TAFA5: variants seen among roughly 807,000 people sequenced by gnomAD.
TAFA5 encodes TAFA chemokine like family member 5, also known as chemokine-like protein TAFA-5.
A neutral mutation model predicts 15.3 loss-of-function variants in TAFA5; 6 were observed. The observed-to-expected ratio is 0.39, with a 90% CI of 0.21 to 0.77. TAFA5 has a LOEUF of 0.77. Ranked by LOEUF, TAFA5 falls within the 30% of genes least tolerant of loss-of-function variation. The pLI, the probability that TAFA5 is intolerant of heterozygous loss-of-function variation, is 0.41. For missense variants in TAFA5, 161 were observed against 193.1 expected (o/e 0.83, Z 0.98); for synonymous variants, 103 against 80.7 (o/e 1.28, Z -1.48).
At chr22:48,606,670 T>C (rs922936667) in intron 1 of TAFA5, among the ~76,000 whole-genome samples, 8 of 152,240 alleles carry the variant, frequency 5.3e-5, no homozygotes, top group African/African-American at 1.9e-4. Flanking sequence ...TGCTGCTCTC[T>C]TTGCTTTGAA....
At chr22:48,722,704 A>T (rs12167699) in intron 3 of TAFA5, among the ~76,000 whole-genome samples, 33,257 of 152,202 alleles carry the variant, frequency 0.22, 3,879 homozygotes, top group Admixed American at 0.32. Context: ...AAAGTATATA[A>T]AAACAAAAAT....
chr22:48,734,111 A>T (rs1005190093), intron 3 of TAFA5, among the ~76,000 whole-genome samples: 1 of 152,262 alleles, frequency 6.6e-6, no homozygotes, highest in African/African-American at 2.4e-5. Flanking sequence ...CTAATGATTT[A>T]ATTACAATAA....
intron 3 of TAFA5, among the ~76,000 whole-genome samples, chr22:48,721,406 G>A (rs2147261086): frequency 6.6e-6 from 1 of 152,330 alleles, no homozygotes; most frequent in Admixed American, 6.5e-5. Context: ...CGTCCACTGT[G>A]TGTGATCTCA....
intron 2 of TAFA5, among the ~76,000 whole-genome samples, chr22:48,664,074 C>G (rs533857188): frequency 2.6e-5 from 4 of 152,192 alleles, no homozygotes; most frequent in African/African-American, 7.2e-5. Context: ...CTGTTGCACC[C>G]CAGACTGCAA....
In TAFA5 at chr22:48,662,764, C is replaced by T. The variant is rs547222042; in HGVS notation, c.262+16018C>T. 6.6e-5 allele frequency among the ~76,000 whole-genome samples: 10 copies of T among 152,286 alleles called. 1 individual carries two copies. Among genetic ancestry groups the T allele is most frequent in the East Asian group, 1.9e-4 (1 of 5,176 alleles). On this transcript the variant is annotated intron_variant, in intron 2 of 3. Coordinates refer to ENST00000402357, the MANE Select transcript of TAFA5 (RefSeq NM_001082967.3). ...GTTGAGGTCACCAGGGAAACTGAGG[C>T]GGCAGCTGAGGACACAGGGCCCTAG...
At chr22:48,740,255 G>C (rs962258211) in intron 3 of TAFA5, among the ~76,000 whole-genome samples, 1 of 152,174 alleles carries the variant, frequency 6.6e-6, no homozygotes, top group African/African-American at 2.4e-5. Context: ...GGCCTCCCTG[G>C]CTGGGAGGAC....
At chr22:48,677,397 G>A (rs1928009554) in intron 2 of TAFA5, among the ~76,000 whole-genome samples, 1 of 152,208 alleles carries the variant, frequency 6.6e-6, no homozygotes, top group East Asian at 1.9e-4. Flanking sequence ...GCAGCTCAGG[G>A]TGGCCGGGCC....
At chr22:48,524,630 G>A (rs1055953212) in intron 1 of TAFA5, among the ~76,000 whole-genome samples, 5 of 152,222 alleles carry the variant, frequency 3.3e-5, no homozygotes, top group Admixed American at 6.5e-5. Context: ...CCCACATTGG[G>A]CATGGTTAGT....
At chr22:48,654,907 A>G (rs1017306964) in intron 2 of TAFA5, among the ~76,000 whole-genome samples, 3 of 151,842 alleles carry the variant, frequency 2.0e-5, no homozygotes, top group African/African-American at 7.3e-5. Flanking sequence ...TTTCAGGAGC[A>G]CTGAGGGCTG....
rs549726197 is a variant in TAFA5, at chr22:48,730,516, G to A, written c.391-19323G>A. Among the ~76,000 whole-genome samples, 10 of 152,268 alleles carry A rather than the reference G, an allele frequency of 6.6e-5. No individual in the cohort carries two copies. The South Asian group carries it at 1.2e-3, about 19-fold the overall frequency. On this transcript the variant is annotated intron_variant, in intron 3 of 3. Coordinates refer to ENST00000402357, the MANE Select transcript of TAFA5 (RefSeq NM_001082967.3). ...TTTATTGCACTTTGCAAATATTGCC[G>A]TTTTCACAAATTGAAGGTTTGTGGC...
chr22:48,535,493 T>G (rs926511106), intron 1 of TAFA5, among the ~76,000 whole-genome samples: 3 of 152,262 alleles, frequency 2.0e-5, no homozygotes, highest in Admixed American at 2.0e-4. Flanking sequence ...GTGAGCACAC[T>G]GCACACGCAA....
intron 1 of TAFA5, among the ~76,000 whole-genome samples, chr22:48,570,984 T>C (rs550279887): frequency 1.4e-4 from 21 of 152,324 alleles, no homozygotes; most frequent in African/African-American, 4.8e-4. Context: ...AAATTTTCCT[T>C]TATCCCATAT....
At chr22:48,685,647 A>G (rs1292118309) in intron 2 of TAFA5, among the ~76,000 whole-genome samples, 1 of 151,824 alleles carries the variant, frequency 6.6e-6, no homozygotes, top group Non-Finnish European at 1.5e-5. Flanking sequence ...CTAATCTCCC[A>G]TCCCATCATG....
intron 1 of TAFA5, among the ~76,000 whole-genome samples, chr22:48,508,651 C>T (rs945581551): frequency 5.9e-5 from 9 of 152,130 alleles, no homozygotes; most frequent in Admixed American, 4.6e-4. Context: ...CTGCAGTTGC[C>T]CCACAGCTGA....
intron 1 of TAFA5, among the ~76,000 whole-genome samples, chr22:48,621,736 C>T (rs965974918): frequency 1.3e-5 from 2 of 152,154 alleles, no homozygotes; most frequent in Non-Finnish European, 1.5e-5. Context: ...ACAGTAGCTT[C>T]GTCCTGAGAC....
intron 1 of TAFA5, among the ~76,000 whole-genome samples, chr22:48,535,352 C>T (rs1310243202): frequency 6.6e-6 from 1 of 152,184 alleles, no homozygotes; most frequent in Non-Finnish European, 1.5e-5. Flanking sequence ...CACAGGAGTG[C>T]GTCAACAGAG....
At chr22:48,695,584 T>G (rs9628602) in intron 2 of TAFA5, among the ~76,000 whole-genome samples, 1,532 of 152,336 alleles carry the variant, frequency 0.01, 33 homozygotes, top group African/African-American at 0.035. Context: ...CCTGTCTGTC[T>G]GTTCCCCTGG....
chr22:48,499,679 A>G (rs1467354685), intron 1 of TAFA5, among the ~76,000 whole-genome samples: 2 of 152,174 alleles, frequency 1.3e-5, no homozygotes, highest in Non-Finnish European at 2.9e-5. Context: ...CAGGCAGGCT[A>G]TTCTCATCCT....
chr22:48,686,477 T>G (rs202132717), intron 2 of TAFA5, among the ~76,000 whole-genome samples: 2 of 152,330 alleles, frequency 1.3e-5, no homozygotes, highest in South Asian at 2.1e-4. Context: ...TCCACTCTTA[T>G]GGCCTAATCA....
Sources: gnomAD v4.1 joint callset for allele counts (sites outside exome capture counted in the v4.1 genomes callset) on GRCh38, gnomAD v4.1.1 for gene constraint, MANE v1.5 for transcripts, NCBI Gene and HGNC (gene_info 2026-07-23, HGNC 2026-07-21) for gene names.